PRPF6: variants seen among roughly 807,000 people sequenced by gnomAD.
PRPF6 encodes pre-mRNA-processing factor 6.
PRPF6 carries 42 observed loss-of-function variants against 118.3 expected under a neutral mutation model. That is an observed-to-expected ratio of 0.35 (90% CI 0.28 to 0.46). The LOEUF (loss-of-function observed/expected upper bound fraction) is 0.46, where lower values mean the gene tolerates loss of function less well. Ranked by LOEUF, PRPF6 falls within the 20% of genes least tolerant of loss-of-function variation. The pLI, the probability that PRPF6 is intolerant of heterozygous loss-of-function variation, is 1.00. For synonymous variants in PRPF6, 481 were observed against 485.1 expected, an observed-to-expected ratio of 0.99 and a Z score of 0.11; for missense variants, 662 against 1,255.7, an observed-to-expected ratio of 0.53 and a Z score of 7.15.
intron 6 of PRPF6, 66 bp from the exon 7 acceptor site, chr20:63,998,979 C>A: frequency 8.6e-7 from 1 of 1,159,420 alleles, no homozygotes; most frequent in Non-Finnish European, 1.3e-6. Flanking sequence ...GCACCAGGGA[C>A]CCTCTGAGAA....
At chr20:64,013,494 C>T (rs1342049798) in intron 11 of PRPF6, among the ~76,000 whole-genome samples, 3 of 151,680 alleles carry the variant, frequency 2.0e-5, no homozygotes, top group Admixed American at 6.6e-5. Flanking sequence ...TTGCTCAGGC[C>T]GGAGTGCAGT....
chr20:64,015,342 C>T (rs1441770274), intron 11 of PRPF6, among the ~76,000 whole-genome samples: 1 of 152,204 alleles, frequency 6.6e-6, no homozygotes, highest in African/African-American at 2.4e-5. Flanking sequence ...CCTTGCCCCA[C>T]GCATTCTTCT....
At chr20:64,005,437 G>A (rs1220048791) in intron 9 of PRPF6, among the ~76,000 whole-genome samples, 7 of 152,146 alleles carry the variant, frequency 4.6e-5, no homozygotes, top group Non-Finnish European at 7.3e-5. Context: ...AGGTGAGAGC[G>A]CACAGGAAAA....
intron 11 of PRPF6, among the ~76,000 whole-genome samples, chr20:64,015,884 T>C (rs1335570232): frequency 6.6e-6 from 1 of 152,154 alleles, no homozygotes; most frequent in Non-Finnish European, 1.5e-5. Context: ...CCCAGCACTT[T>C]GGGAGGCTAA....
At chr20:64,006,913 T>C (rs905945239) in intron 9 of PRPF6, among the ~76,000 whole-genome samples, 2 of 152,218 alleles carry the variant, frequency 1.3e-5, no homozygotes, top group Admixed American at 6.5e-5. Context: ...CGTCTTTCAG[T>C]TGGTCAAGTG....
chr20:64,030,448 T>C (rs2059309765), intron 19 of PRPF6, among the ~76,000 whole-genome samples: 1 of 152,120 alleles, frequency 6.6e-6, no homozygotes, highest in African/African-American at 2.4e-5. Flanking sequence ...CAGCACTGGG[T>C]GGCAGTGGTG....
At chr20:64,004,665 T>G (rs984585550) in intron 9 of PRPF6, among the ~76,000 whole-genome samples, 4 of 152,198 alleles carry the variant, frequency 2.6e-5, no homozygotes, top group African/African-American at 9.7e-5. Flanking sequence ...GTGCTTGGCC[T>G]CTGAGCTTCC....
In PRPF6 at chr20:64,011,699, C is replaced by T. The variant is rs531951198; in HGVS notation, c.1524+196C>T. On this transcript the variant is annotated intron_variant, in intron 11 of 20. Coordinates refer to ENST00000266079, the MANE Select transcript of PRPF6 (RefSeq NM_012469.4). The surrounding 1 kb of genome is among the most constrained non-coding windows in gnomAD (Gnocchi z 6.7). ...TCTTGATGGATTCAGGCCTGGAGTTCGTCTTGGGGTGAACACTTCAGAAGC... is the reference window on the plus strand; with the variant it reads ...TCTTGATGGATTCAGGCCTGGAGTTTGTCTTGGGGTGAACACTTCAGAAGC... Among the ~76,000 whole-genome samples, 6 of 152,238 alleles carry T rather than the reference C, an allele frequency of 3.9e-5. No individual in the cohort carries two copies. The highest frequency in any genetic ancestry group is 8.8e-5 in the Non-Finnish European group (6 of 68,044).
intron 6 of PRPF6, among the ~76,000 whole-genome samples, chr20:63,997,288 C>CTTTT (rs928046111): frequency 3.3e-4 from 37 of 112,666 alleles, no homozygotes; most frequent in Admixed American, 7.7e-4. Context: ...TCAGCATGTT[C>CTTTT]TTTTTTTTTT....
chr20:64,013,234 A>G (rs1351548351), intron 11 of PRPF6, among the ~76,000 whole-genome samples: 1 of 152,114 alleles, frequency 6.6e-6, no homozygotes, highest in East Asian at 1.9e-4. Context: ...CCTGTCTTTT[A>G]TCTTTGTCTG....
At position 64,011,076 on chromosome 20, in the gene PRPF6, A is replaced by G. The variant is rs1459766123; in HGVS notation, c.1306-209A>G. On this transcript the variant is annotated intron_variant, in intron 10 of 20. Coordinates refer to ENST00000266079, the MANE Select transcript of PRPF6 (RefSeq NM_012469.4). This position sits in a 1 kb window ranked among gnomAD's most constrained non-coding sequence, Gnocchi z 6.7. ...TTCAACTGAGAATCTTTTGATGCTC[A>G]CGAGAGTCACTAAATGAGTCAGAAG... 6.6e-6 allele frequency among the ~76,000 whole-genome samples: 1 copy of G among 152,168 alleles called. No individual in the cohort carries two copies. Among genetic ancestry groups the G allele is most frequent in the Non-Finnish European group, 1.5e-5 (1 of 68,032 alleles).
intron 9 of PRPF6, among the ~76,000 whole-genome samples, chr20:64,001,934 C>T (rs1004004411): frequency 1.3e-5 from 2 of 150,896 alleles, no homozygotes; most frequent in Non-Finnish European, 2.9e-5. Context: ...GGGTCCAGAA[C>T]GAGTGCTAGT....
chr20:64,017,018 C>CG (rs1349512647), intron 12 of PRPF6, among the ~76,000 whole-genome samples, 173 bp downstream of exon 12: 35 of 152,170 alleles, frequency 2.3e-4, no homozygotes, highest in African/African-American at 8.0e-4. Flanking sequence ...TCTCAGCTCA[C>CG]TACAACCTCC....
At chr20:64,013,111 C>T (rs2059222302) in intron 11 of PRPF6, among the ~76,000 whole-genome samples, 2 of 152,036 alleles carry the variant, frequency 1.3e-5, no homozygotes, top group Non-Finnish European at 2.9e-5. Context: ...ATTACAGGCA[C>T]CCGCCACCAT....
chr20:64,004,484 A>G (rs1008027192), intron 9 of PRPF6, among the ~76,000 whole-genome samples: 7 of 152,202 alleles, frequency 4.6e-5, no homozygotes, highest in Non-Finnish European at 1.5e-5. Context: ...GATGACAGCT[A>G]CTTCCACTGG....
At chr20:63,986,950 C>T (rs1263676848) in intron 3 of PRPF6, among the ~76,000 whole-genome samples, 2 of 150,560 alleles carry the variant, frequency 1.3e-5, no homozygotes, top group African/African-American at 4.9e-5. Context: ...GGGAGGACTG[C>T]TTGATCTCAG....
chr20:64,011,612 CAA>C lies in PRPF6; in HGVS notation c.1524+111_1524+112del, dbSNP rs902759261. The C allele has an allele frequency of 3.2e-5, 40 of 1,253,456 alleles. No individual in the cohort carries two copies. In the Middle Eastern group the frequency reaches 1.0e-3, roughly 33 times the overall value. The allele number at this position is 1,253,456 out of a possible 1,614,324, so 77.6% of individuals were successfully genotyped here. A position where few individuals can be genotyped will look rare whatever the true frequency, so the allele number is the denominator to read the frequency against. On this transcript the variant is annotated intron_variant, in intron 11 of 20. Coordinates refer to ENST00000266079, the MANE Select transcript of PRPF6 (RefSeq NM_012469.4). This position sits in a 1 kb window ranked among gnomAD's most constrained non-coding sequence, Gnocchi z 6.7. ...TGGATGGTACTGGGGAGTCCTGTGC[CAA>C]ACCAGAAGCAGGCACAGGTGTGAAT...
Position 64,026,038 on chromosome 20 carries a change from A to C in PRPF6, c.2008A>C (p.Ser670Arg). 2 of 1,607,868 alleles carry C rather than the reference A, an allele frequency of 1.2e-6. No homozygotes were observed. Among genetic ancestry groups the C allele is most frequent in the Non-Finnish European group, 1.7e-6 (2 of 1,179,866 alleles). The change falls in exon 15 of 21, where the codon AGC (serine) becomes CGC (arginine). Residue 670 changes from serine (S) to arginine (R), a missense_variant. Around this residue, in one of 10 missense-constraint regions of PRPF6, gnomAD observed 244 missense variants for 383.7 expected, o/e 0.64. Coordinates refer to ENST00000266079, the MANE Select transcript of PRPF6 (RefSeq NM_012469.4). The surrounding 1 kb of genome is among the most constrained non-coding windows in gnomAD (Gnocchi z 4.4). ...RARRLLAKAR[S>R]SAPTARVFMK... The stretch of plus-strand genomic sequence containing the variant: ...CCGGAGGCTGCTGGCCAAGGCGCGG[A>C]GCAGTGCCCCCACCGCCCGGGTACG...
At chr20:64,013,961 G>A (rs752430518) in intron 11 of PRPF6, among the ~76,000 whole-genome samples, 28 of 151,784 alleles carry the variant, frequency 1.8e-4, no homozygotes, top group Non-Finnish European at 3.1e-4. Context: ...TTGAGACAGG[G>A]TGGGTCTCTG....
Sources: gnomAD v4.1 joint callset for allele counts (sites outside exome capture counted in the v4.1 genomes callset) on GRCh38, gnomAD v4.1.1 for gene constraint, gnomAD v4.1.1 regional missense constraint, Gnocchi (gnomAD v3.1) non-coding constraint, MANE v1.5 for transcripts, NCBI Gene and HGNC (gene_info 2026-07-23, HGNC 2026-07-21) for gene names.